CLASP2: variants seen among roughly 807,000 people sequenced by gnomAD.
The protein encoded by CLASP2 is cytoplasmic linker associated protein 2, also known as CLIP-associating protein 2.
Under a neutral mutation model 194.4 loss-of-function variants are expected in CLASP2, and 47 were observed. That is an observed-to-expected ratio of 0.24 (90% confidence interval 0.19 to 0.31). The LOEUF (loss-of-function observed/expected upper bound fraction) is 0.31. Ranked by LOEUF, CLASP2 falls within the 10% of genes least tolerant of loss-of-function variation. CLASP2 has a pLI of 1.00. For synonymous variants in CLASP2, 619 were observed against 633.5 expected, an observed-to-expected ratio of 0.98 and a Z score of 0.34; for missense variants, 1,445 against 1,823.6, an observed-to-expected ratio of 0.79 and a Z score of 3.78.
At chr3:33,659,223 A>C (rs1575366302) in intron 7 of CLASP2, 1 of 1,305,994 alleles carries the variant, frequency 7.7e-7, no homozygotes, top group Non-Finnish European at 9.7e-7. Flanking sequence ...GCCTAGAAGG[A>C]CTTGATTAAG....
intron 7 of CLASP2, among the ~76,000 whole-genome samples, chr3:33,653,532 T>G (rs1431234564): frequency 6.6e-6 from 1 of 151,090 alleles, no homozygotes; most frequent in Non-Finnish European, 1.5e-5. Flanking sequence ...CAAAACAAAC[T>G]GTAAAAAGAT....
At chr3:33,681,411 C>T (rs534980853) in intron 6 of CLASP2, among the ~76,000 whole-genome samples, 1 of 126,912 alleles carries the variant, frequency 7.9e-6, no homozygotes, top group Non-Finnish European at 1.7e-5. Context: ...TAATGAAACA[C>T]ATCATACTAG....
rs1483245789 is a variant in CLASP2 at position 33,718,148 on chromosome 3, G to A, written c.-146C>T. ...GGCTTGCGGGGCGCAGCGGGCGGCGGGAGGAACGCCAAGCGCCCAGCCGCC... is the reference window on the plus strand; with the variant it reads ...GGCTTGCGGGGCGCAGCGGGCGGCGAGAGGAACGCCAAGCGCCCAGCCGCC... On this transcript the variant is annotated 5_prime_UTR_variant, in exon 1 of 39. Transcript: ENST00000682230. 24 of 764,546 alleles carry A rather than the reference G, an allele frequency of 3.1e-5. No homozygotes were observed. Among genetic ancestry groups the A allele is most frequent in the Non-Finnish European group, 4.1e-5 (22 of 534,568 alleles). The allele number at this position is 764,546 out of a possible 1,614,324, so 47.4% of individuals were successfully genotyped here.
intron 6 of CLASP2, among the ~76,000 whole-genome samples, chr3:33,673,951 G>A (rs2087945516): frequency 6.6e-6 from 1 of 152,106 alleles, no homozygotes; most frequent in African/African-American, 2.4e-5. Context: ...AGAAAGTCCT[G>A]AGTGACCTAC....
At chr3:33,553,703 A>G (rs2060429107) in intron 29 of CLASP2, among the ~76,000 whole-genome samples, 1 of 152,190 alleles carries the variant, frequency 6.6e-6, no homozygotes, top group South Asian at 2.1e-4. Flanking sequence ...GATGAAAGAT[A>G]TGTGTTGGTG....
At chr3:33,667,406 C>CAAAAAAAAAAAAAAAAAAAAAAAAA (rs537846651) in intron 6 of CLASP2, among the ~76,000 whole-genome samples, 4 of 44,130 alleles carry the variant, frequency 9.1e-5, no homozygotes, top group African/African-American at 4.3e-4. Context: ...GAGACTATCT[C>CAAAAAAAAAAAAAAAAAAAAAAAAA]AAAAAAAAAA....
At position 33,615,902 on chromosome 3, in the gene CLASP2, T is replaced by C. The variant is rs116309553; in HGVS notation, c.1317+3701A>G. 2.8e-3 allele frequency among the ~76,000 whole-genome samples: 432 copies of C among 151,822 alleles called. 1 individual carries two copies. Among genetic ancestry groups the C allele is most frequent in the African/African-American group, 9.9e-3 (412 of 41,442 alleles). On this transcript the variant is annotated intron_variant, in intron 12 of 38. Transcript: ENST00000682230. The stretch of plus-strand genomic sequence containing the variant: ...GATTGAAAACATAAATAAAACATGG[T>C]AAATTTAAATCACTGAGATGCTGCC...
At chr3:33,625,884 G>A (rs2077962002) in intron 10 of CLASP2, among the ~76,000 whole-genome samples, 1 of 151,380 alleles carries the variant, frequency 6.6e-6, no homozygotes, top group Non-Finnish European at 1.5e-5. Flanking sequence ...ATAAGCCTGT[G>A]TCATTTTTCT....
At chr3:33,684,192 C>T (rs746539238) in intron 6 of CLASP2, among the ~76,000 whole-genome samples, 167 bp downstream of exon 6, 3 of 151,682 alleles carry the variant, frequency 2.0e-5, no homozygotes, top group Non-Finnish European at 4.4e-5. Flanking sequence ...TTGTGGTGAG[C>T]CAAGATCGCG....
chr3:33,655,903 T>G (rs2084107029), intron 7 of CLASP2, among the ~76,000 whole-genome samples: 1 of 152,152 alleles, frequency 6.6e-6, no homozygotes, highest in Admixed American at 6.5e-5. Flanking sequence ...TTAGAAAGAA[T>G]CTATTTACAA....
intron 27 of CLASP2, among the ~76,000 whole-genome samples, chr3:33,564,124 C>T (rs113567034): frequency 0.018 from 2,721 of 152,260 alleles, 75 homozygotes; most frequent in African/African-American, 0.062. Context: ...CTAACACATA[C>T]CATTTGAAAA....
At chr3:33,698,235 T>C (rs1365719360) in intron 1 of CLASP2, among the ~76,000 whole-genome samples, 1 of 152,144 alleles carries the variant, frequency 6.6e-6, no homozygotes, top group Non-Finnish European at 1.5e-5. Flanking sequence ...TATCAAACAC[T>C]GTTACGCCTA....
chr3:33,540,021 G>A (rs1334257176), intron 32 of CLASP2, among the ~76,000 whole-genome samples: 1 of 150,630 alleles, frequency 6.6e-6, no homozygotes, highest in Non-Finnish European at 1.5e-5. Context: ...AGGCTCAAGC[G>A]ATTCTCCAGC....
Position 33,649,095 on chromosome 3 carries a change from T to C in CLASP2, c.716-4192A>G, listed in dbSNP as rs111684583. Among the ~76,000 whole-genome samples the C allele has an allele frequency of 6.8e-3, 999 of 146,174 alleles. 9 individuals carry two copies. Among genetic ancestry groups the C allele is most frequent in the African/African-American group, 0.022 (906 of 40,750 alleles). On this transcript the variant is annotated intron_variant, in intron 7 of 38. Transcript: ENST00000682230. ...ATCCCCCCACCAGCCTAGCCTCCCT[T>C]CTATGATTCAATGGCAGGGCCTTTG...
Position 33,543,469 on chromosome 3 carries a change from G to A in CLASP2, c.3368C>T (p.Ser1123Phe). The A allele has an allele frequency of 6.2e-7, 1 of 1,611,742 alleles. No homozygotes were observed. Among genetic ancestry groups the A allele is most frequent in the Non-Finnish European group, 8.5e-7 (1 of 1,177,834 alleles). ...SPANWSSPLT[S>F]PTNTSQNTLS... ...AGTATTCTGTGATGTATTGGTAGGA[G>A]AAGTAAGAGGACTGGACCAGTTAGC... The change falls in exon 32 of 39, where the codon TCT becomes TTT. Residue 1123 changes from serine (S) to phenylalanine (F), a missense_variant. This residue lies in a region of CLASP2 where 732 missense variants were observed against 987.9 expected (regional missense o/e 0.74). Transcript: ENST00000682230.
chr3:33,703,226 A>G (rs2092484949), intron 1 of CLASP2, among the ~76,000 whole-genome samples: 1 of 152,236 alleles, frequency 6.6e-6, no homozygotes. Flanking sequence ...ACTGTAATGC[A>G]AAATATACAA....
At chr3:33,717,149 G>C (rs754795312) in intron 1 of CLASP2, among the ~76,000 whole-genome samples, 1 of 152,166 alleles carries the variant, frequency 6.6e-6, no homozygotes, top group African/African-American at 2.4e-5. Context: ...TATCTACTAA[G>C]ACACATCAAC....
intron 18 of CLASP2, chr3:33,602,523 T>C (rs2072544778): frequency 2.6e-6 from 2 of 760,920 alleles, no homozygotes; most frequent in African/African-American, 1.7e-5. Context: ...TTGGAATATA[T>C]GTTTAGGGTT....
At chr3:33,709,771 G>A (rs2092911078) in intron 1 of CLASP2, among the ~76,000 whole-genome samples, 1 of 152,178 alleles carries the variant, frequency 6.6e-6, no homozygotes, top group African/African-American at 2.4e-5. Context: ...TAGTAAGTGT[G>A]TCATAATTTG....
Sources: allele counts gnomAD v4.1 joint callset (sites outside exome capture counted in the v4.1 genomes callset), GRCh38; gene constraint gnomAD v4.1.1; regional missense constraint gnomAD v4.1.1; transcripts MANE v1.5; gene names NCBI Gene and HGNC (gene_info 2026-07-23, HGNC 2026-07-21).